Variants in PXMP2 observed in about 807,000 individuals in gnomAD.
PXMP2 encodes the protein peroxisomal membrane protein 2, also known as 22 kDa peroxisomal membrane protein.
PXMP2 carries 13 observed loss-of-function variants against 20.2 expected under a neutral mutation model. That is an observed-to-expected ratio of 0.64 (90% CI 0.42 to 1.02). The LOEUF (loss-of-function observed/expected upper bound fraction) is 1.02. Ranked by LOEUF, PXMP2 falls within the 50% of genes least tolerant of loss-of-function variation. The pLI is 0.00. For synonymous variants in PXMP2, 113 were observed against 111.2 expected, an observed-to-expected ratio of 1.02 and a Z score of -0.10; for missense variants, 284 against 251.8, an observed-to-expected ratio of 1.13 and a Z score of -0.87.
At chr12:132,694,628 A>G (rs1482666594) in intron 2 of PXMP2, among the ~76,000 whole-genome samples, 1 of 118,936 alleles carries the variant, frequency 8.4e-6, no homozygotes, top group Admixed American at 8.3e-5. Context: ...TTAGCTAGTT[A>G]GAGAGCTCCC....
chr12:132,701,571 G>C, intron 4 of PXMP2: 1 of 663,846 alleles, frequency 1.5e-6, no homozygotes, highest in Non-Finnish European at 2.4e-6. Context: ...CTGAATCATT[G>C]CTAGTTCGGG....
intron 4 of PXMP2, among the ~76,000 whole-genome samples, chr12:132,703,281 G>GA (rs1279264519): frequency 1.3e-5 from 2 of 152,154 alleles, no homozygotes; most frequent in African/African-American, 4.8e-5. Flanking sequence ...TTATAAAAAT[G>GA]AATTTTAAAA....
intron 1 of PXMP2, 150 bp from the exon 2 acceptor site, chr12:132,690,113 A>G: frequency 3.3e-6 from 2 of 612,768 alleles, no homozygotes; most frequent in East Asian, 2.7e-5. Context: ...CTTTTGATAC[A>G]AGAACTATAC....
chr12:132,692,591 C>G (rs1291405117), intron 2 of PXMP2, among the ~76,000 whole-genome samples: 1 of 140,622 alleles, frequency 7.1e-6, no homozygotes, highest in Non-Finnish European at 1.5e-5. Flanking sequence ...AGTGAGCGCC[C>G]TTGCCAGTTA....
chr12:132,694,060 CG>C (rs1185600021), intron 2 of PXMP2, among the ~76,000 whole-genome samples: 3 of 131,434 alleles, frequency 2.3e-5, no homozygotes, highest in Non-Finnish European at 3.2e-5. Flanking sequence ...GTTAAGTGAG[CG>C]CCCTTAGCCA....
At chr12:132,701,393 C>T (rs751635301) in intron 4 of PXMP2, 24 bp downstream of exon 4, 10 of 1,611,112 alleles carry the variant, frequency 6.2e-6, no homozygotes, top group Non-Finnish European at 8.5e-6. Context: ...GGCTCAGCCT[C>T]TGCTAACATT....
intron 4 of PXMP2, among the ~76,000 whole-genome samples, chr12:132,704,236 G>T (rs2043458049): frequency 6.6e-6 from 1 of 152,254 alleles, no homozygotes; most frequent in South Asian, 2.1e-4. Flanking sequence ...AAGGTCTGGG[G>T]CCCCTCCGCT....
intron 4 of PXMP2, chr12:132,702,304 G>A (rs577718372): frequency 1.1e-5 from 2 of 185,324 alleles, no homozygotes; most frequent in East Asian, 3.5e-4. Flanking sequence ...GAGCCTTTCC[G>A]CTATCCTGTG....
At chr12:132,698,832 G>T (rs2043423731) in intron 3 of PXMP2, among the ~76,000 whole-genome samples, 1 of 152,120 alleles carries the variant, frequency 6.6e-6, no homozygotes. Context: ...CCTCTGTGTT[G>T]GCCAGGCTGG....
At chr12:132,699,974 A>G (rs920648550) in intron 3 of PXMP2, among the ~76,000 whole-genome samples, 7 of 151,430 alleles carry the variant, frequency 4.6e-5, no homozygotes, top group African/African-American at 2.4e-5. Flanking sequence ...ACTAATTTGC[A>G]TTCCCACCAG....
intron 4 of PXMP2, 64 bp downstream of exon 4, chr12:132,701,433 CT>C: frequency 1.3e-6 from 2 of 1,580,522 alleles, no homozygotes; most frequent in Non-Finnish European, 1.7e-6. Context: ...TCCTTCCTTC[CT>C]TCCTCTTTCC....
chr12:132,695,837 C>T, intron 2 of PXMP2, 47 bp from the exon 3 acceptor site: 1 of 1,556,576 alleles, frequency 6.4e-7, no homozygotes, highest in Non-Finnish European at 8.7e-7. Context: ...CAGAGAAGAG[C>T]ACATCCAGAG....
rs1373373527 is a variant in PXMP2, at chr12:132,696,314, C to G, written c.399+268C>G. The stretch of plus-strand genomic sequence containing the variant: ...GCAGTAGCACAATCATAGCTCACTG[C>G]AAACCTCAAACTCCTGGGTTCAAGC... On this transcript the variant is annotated intron_variant, in intron 3 of 4. Transcript: ENST00000317479. This position sits in a 1 kb window ranked among gnomAD's most constrained non-coding sequence, Gnocchi z 4.4. Among the ~76,000 whole-genome samples, 1 of 152,104 alleles carries G rather than the reference C, an allele frequency of 6.6e-6. No individual in the cohort carries two copies. Among genetic ancestry groups the G allele is most frequent in the Non-Finnish European group, 1.5e-5 (1 of 68,028 alleles).
chr12:132,694,873 TAGTTAGTGAGCGCCCTTGCCAGTC>T lies in PXMP2; in HGVS notation c.237-975_237-952del, dbSNP rs1565991599. The stretch of plus-strand genomic sequence containing the variant: ...CAGTTAGTGAGCTCCCTTAGCCAGT[TAGTTAGTGAGCGCCCTTGCCAGTC>T]AGTTAGTGAGCGCCCTTGCCAGTCA... On this transcript the variant is annotated intron_variant, in intron 2 of 4. Transcript: ENST00000317479. Among the ~76,000 whole-genome samples the T allele has an allele frequency of 2.6e-4, 37 of 143,496 alleles. 1 individual carries two copies. Among genetic ancestry groups the T allele is most frequent in the Middle Eastern group, 4.2e-3 (1 of 236 alleles). The allele number at this position is 143,496 out of a possible 152,430, so 94.1% of individuals were successfully genotyped here. A position where few individuals can be genotyped will look rare whatever the true frequency, so the allele number is the denominator to read the frequency against.
In PXMP2 at chr12:132,701,291, C is replaced by T. The variant is rs1426038119; in HGVS notation, c.441C>T (p.Gly147=). The T allele has an allele frequency of 1.9e-6, 3 of 1,612,678 alleles. No individual in the cohort carries two copies. Among genetic ancestry groups the T allele is most frequent in the Non-Finnish European group, 2.5e-6 (3 of 1,179,584 alleles). ...ASAFAAKMRG[G]FWPALRMNWR... ...CCTTCGCCGCCAAGATGAGGGGGGG[C>T]TTCTGGCCGGCGCTGAGGATGAACT... The change falls in exon 4 of 5, where the codon GGC becomes GGT. Residue 147 remains glycine, a synonymous_variant. Transcript: ENST00000317479.
At chr12:132,693,088 C>A (rs2043382033) in intron 2 of PXMP2, among the ~76,000 whole-genome samples, 1 of 18,570 alleles carries the variant, frequency 5.4e-5, no homozygotes, top group Non-Finnish European at 1.4e-4. Flanking sequence ...AGCGCCCTTG[C>A]CAGTTAGTTA....
chr12:132,700,041 CCTT>C lies in PXMP2; in HGVS notation c.400-1208_400-1206del, dbSNP rs2043430377. On this transcript the variant is annotated intron_variant, in intron 3 of 4. Coordinates refer to ENST00000317479, the MANE Select transcript of PXMP2 (RefSeq NM_018663.3). The stretch of plus-strand genomic sequence containing the variant: ...CTTGCCAGCATCTATTGTTTTTTGA[CCTT>C]TTTTTTTTTTTTTTTGAGGCAGAGT... Among the ~76,000 whole-genome samples the C allele has an allele frequency of 5.0e-5, 7 of 140,230 alleles. 1 individual carries two copies. The highest frequency in any genetic ancestry group is 2.6e-5 in the African/African-American group (1 of 39,206). 92.0% of individuals were successfully genotyped at this position (140,230 alleles called of 152,430 possible).
At chr12:132,699,244 C>T (rs947645772) in intron 3 of PXMP2, among the ~76,000 whole-genome samples, 1 of 152,018 alleles carries the variant, frequency 6.6e-6, no homozygotes, top group Admixed American at 6.5e-5. Flanking sequence ...GAGTGAGACC[C>T]CTTCTCTACA....
At chr12:132,694,392 T>C (rs371280132) in intron 2 of PXMP2, among the ~76,000 whole-genome samples, 1 of 92,864 alleles carries the variant, frequency 1.1e-5, no homozygotes, top group Admixed American at 1.0e-4. Context: ...CCTTGCCAGT[T>C]AGTTAGTGAG....
Sources: gnomAD v4.1 joint callset for allele counts (sites outside exome capture counted in the v4.1 genomes callset) on GRCh38, gnomAD v4.1.1 for gene constraint, Gnocchi (gnomAD v3.1) non-coding constraint, MANE v1.5 for transcripts, NCBI Gene and HGNC (gene_info 2026-07-23, HGNC 2026-07-21) for gene names.